Variants in TWIST2 observed in about 807,000 individuals in gnomAD.
TWIST2 encodes twist-related protein 2.
A neutral mutation model predicts 11.6 loss-of-function variants in TWIST2; 1 was observed. The observed-to-expected ratio is 0.09, with a 90% CI of 0.03 to 0.41. The LOEUF is 0.41. TWIST2 is among the 10% of genes least tolerant of loss of function. TWIST2 has a pLI of 0.98. For synonymous variants in TWIST2, 87 were observed against 96.6 expected (o/e 0.90, Z 0.58); for missense variants, 168 against 226.4 (o/e 0.74, Z 1.66).
chr2:238,902,520 G>C (rs1288599998), intron 1 of TWIST2, among the ~76,000 whole-genome samples: 1 of 123,720 alleles, frequency 8.1e-6, no homozygotes, highest in African/African-American at 3.3e-5. Context: ...TGTGGATGTA[G>C]TATGGGGTGT....
chr2:238,870,437 A>G (rs377605439), intron 1 of TWIST2, among the ~76,000 whole-genome samples: 1,371 of 102,836 alleles, frequency 0.013, 3 homozygotes, highest in East Asian at 0.077. Flanking sequence ...CACCCTACAC[A>G]CACCACACAC....
chr2:238,892,774 A>C (rs62191092), intron 1 of TWIST2, among the ~76,000 whole-genome samples: 113,461 of 152,036 alleles, frequency 0.75, 42,845 homozygotes, highest in Non-Finnish European at 0.8. Flanking sequence ...AGCCGCCGCA[A>C]CCGGCCTTCT....
At chr2:238,853,477 G>GAGAA (rs1692280512) in intron 1 of TWIST2, among the ~76,000 whole-genome samples, 2 of 151,268 alleles carry the variant, frequency 1.3e-5, no homozygotes, top group African/African-American at 4.8e-5. Context: ...GAGAGAGAGA[G>GAGAA]AGAAACTCAA....
chr2:238,868,352 C>G (rs939712393), intron 1 of TWIST2, among the ~76,000 whole-genome samples: 1 of 152,170 alleles, frequency 6.6e-6, no homozygotes, highest in Non-Finnish European at 1.5e-5. Context: ...TGGTAAGCGT[C>G]GGGCTTCTGT....
In TWIST2 at chr2:238,859,457, C is replaced by T. The variant is rs548470619; in HGVS notation, c.*35+10724C>T. Among the ~76,000 whole-genome samples, 8 of 151,902 alleles carry T rather than the reference C, an allele frequency of 5.3e-5. No homozygotes were observed. In the South Asian group the frequency reaches 6.3e-4, roughly 12 times the overall value. On this transcript the variant is annotated intron_variant, in intron 1 of 1. Transcript: ENST00000612363. Reference sequence around the variant, plus strand: ...AATTTCTGTTTGGAATAATACAAAACGCTCCAGAACTAGGTAGTGATGATG... The same window carrying T: ...AATTTCTGTTTGGAATAATACAAAATGCTCCAGAACTAGGTAGTGATGATG...
chr2:238,873,792 C>T (rs1041377495), intron 1 of TWIST2, among the ~76,000 whole-genome samples: 3 of 152,086 alleles, frequency 2.0e-5, no homozygotes, highest in East Asian at 1.9e-4. Context: ...CGGAACATCT[C>T]GATACCAGAA....
In TWIST2 at chr2:238,867,818, G is replaced by A. The variant is rs1470338631; in HGVS notation, c.*35+19085G>A. Among the ~76,000 whole-genome samples, 2 of 152,156 alleles carry A rather than the reference G, an allele frequency of 1.3e-5. No homozygotes were observed. Among genetic ancestry groups the A allele is most frequent in the Admixed American group, 1.3e-4 (2 of 15,282 alleles). On this transcript the variant is annotated intron_variant, in intron 1 of 1. Transcript: ENST00000612363. The surrounding 1 kb of genome is among the most constrained non-coding windows in gnomAD (Gnocchi z 4.8). ...GGAAGCAGCCGTTCCCAGAGCTGAGGGGCATCCCTCGAAGGCGGGAGGGAG... is the reference window on the plus strand; with the variant it reads ...GGAAGCAGCCGTTCCCAGAGCTGAGAGGCATCCCTCGAAGGCGGGAGGGAG...
In TWIST2 at chr2:238,884,644, G is replaced by A. The variant is rs535216611; in HGVS notation, c.*36-25198G>A. On this transcript the variant is annotated intron_variant, in intron 1 of 1. Coordinates refer to ENST00000612363, the MANE Select transcript of TWIST2 (RefSeq NM_001271893.4). ...GGGGGCTGGGGCAGGCAGCAGAGGC[G>A]AGGCCCATGGAACATAGCTCTATCA... is the stretch of plus-strand genomic sequence containing the variant. Among the ~76,000 whole-genome samples, 8 of 152,316 alleles carry A rather than the reference G, an allele frequency of 5.3e-5. No individual in the cohort carries two copies. In the East Asian group the frequency reaches 5.8e-4, roughly 11 times the overall value.
chr2:238,866,249 G>A lies in TWIST2; in HGVS notation c.*35+17516G>A, dbSNP rs192651928. On this transcript the variant is annotated intron_variant, in intron 1 of 1. Transcript: ENST00000612363. This position sits in a 1 kb window ranked among gnomAD's most constrained non-coding sequence, Gnocchi z 4.9. ...CTGAGCCCTGGGCACCCTCCATGGC[G>A]AGCTCCCCAGGCCAGGAGCATGTCT... Among the ~76,000 whole-genome samples, 513 of 152,278 alleles carry A rather than the reference G, an allele frequency of 3.4e-3. 5 individuals are homozygous for A. Among genetic ancestry groups the A allele is most frequent in the African/African-American group, 0.012 (486 of 41,562 alleles).
intron 1 of TWIST2, among the ~76,000 whole-genome samples, chr2:238,853,427 G>A (rs1457041396): frequency 1.5e-5 from 2 of 132,138 alleles, no homozygotes; most frequent in Non-Finnish European, 3.2e-5. Context: ...GATGGAGAGA[G>A]AGAAGGAGAG....
chr2:238,872,803 C>T (rs1326572566), intron 1 of TWIST2, among the ~76,000 whole-genome samples: 10 of 152,178 alleles, frequency 6.6e-5, no homozygotes, highest in African/African-American at 1.4e-4. Context: ...CTGGAGGTCA[C>T]GGGCATACGG....
rs774481346 is a variant in TWIST2, at chr2:238,866,906, C to T, written c.*35+18173C>T. 4.6e-5 allele frequency among the ~76,000 whole-genome samples: 7 copies of T among 152,136 alleles called. No homozygotes were observed. Among genetic ancestry groups the T allele is most frequent in the Admixed American group, 6.5e-5 (1 of 15,270 alleles). On this transcript the variant is annotated intron_variant, in intron 1 of 1. Transcript: ENST00000612363. The surrounding 1 kb of genome is among the most constrained non-coding windows in gnomAD (Gnocchi z 4.9). ...CAGGACTGTGTCCTTGTCATGTATC[C>T]GGATGCCCGGCTCAGCCCATGCCCT...
chr2:238,887,541 C>T (rs1452160662), intron 1 of TWIST2, among the ~76,000 whole-genome samples: 2 of 152,210 alleles, frequency 1.3e-5, no homozygotes, highest in African/African-American at 4.8e-5. Context: ...TGCTTTGGCA[C>T]TGGAGGCAGA....
At chr2:238,887,538 G>A (rs1693062530) in intron 1 of TWIST2, among the ~76,000 whole-genome samples, 1 of 152,080 alleles carries the variant, frequency 6.6e-6, no homozygotes, top group Non-Finnish European at 1.5e-5. Context: ...CCTTGCTTTG[G>A]CACTGGAGGC....
At chr2:238,895,320 C>T (rs1308776206) in intron 1 of TWIST2, among the ~76,000 whole-genome samples, 2 of 152,248 alleles carry the variant, frequency 1.3e-5, no homozygotes, top group African/African-American at 4.8e-5. Flanking sequence ...GGCCCTTCCT[C>T]ACTTTCCTGT....
rs2106355344 is a variant in TWIST2, at chr2:238,866,385, A to G, written c.*35+17652A>G. ...TAAAGCATGGCACCTTCGGCCAGGC[A>G]CAGTGGCTCACACCTGTAATCCTGG... On this transcript the variant is annotated intron_variant, in intron 1 of 1. Coordinates refer to ENST00000612363, the MANE Select transcript of TWIST2 (RefSeq NM_001271893.4). This position sits in a 1 kb window ranked among gnomAD's most constrained non-coding sequence, Gnocchi z 4.9. Among the ~76,000 whole-genome samples the G allele has an allele frequency of 6.6e-6, 1 of 152,352 alleles. No individual in the cohort carries two copies. The highest frequency in any genetic ancestry group is 2.1e-4 in the South Asian group (1 of 4,824).
At chr2:238,872,947 A>G (rs979535974) in intron 1 of TWIST2, among the ~76,000 whole-genome samples, 2 of 152,202 alleles carry the variant, frequency 1.3e-5, no homozygotes, top group African/African-American at 4.8e-5. Context: ...CTGGAGACAT[A>G]AGAATGACTA....
chr2:238,883,188 T>A (rs1406789479), intron 1 of TWIST2, among the ~76,000 whole-genome samples: 4 of 152,120 alleles, frequency 2.6e-5, no homozygotes, highest in African/African-American at 4.8e-5. Flanking sequence ...AGCCGCGGTG[T>A]TTATGTGACT....
At position 238,856,897 on chromosome 2, in the gene TWIST2, A is replaced by T. The variant is rs550731429; in HGVS notation, c.*35+8164A>T. On this transcript the variant is annotated intron_variant, in intron 1 of 1. Coordinates refer to ENST00000612363, the MANE Select transcript of TWIST2 (RefSeq NM_001271893.4). The stretch of plus-strand genomic sequence containing the variant: ...CCGCTGCAGACACAGTCACTTGAAG[A>T]GGACCTCAGGTGCCTTCCCTTCCTG... Among the ~76,000 whole-genome samples, 396 of 152,322 alleles carry T rather than the reference A, an allele frequency of 2.6e-3. 2 individuals carry two copies. The highest frequency in any genetic ancestry group is 9.1e-3 in the African/African-American group (380 of 41,564).
Sources: allele counts gnomAD v4.1 joint callset (sites outside exome capture counted in the v4.1 genomes callset), GRCh38; gene constraint gnomAD v4.1.1; non-coding constraint Gnocchi (gnomAD v3.1); transcripts MANE v1.5; gene names NCBI Gene and HGNC (gene_info 2026-07-23, HGNC 2026-07-21).